Variants in FAM241A observed in about 807,000 individuals in gnomAD.
The protein encoded by FAM241A is family with sequence similarity 241 member A, also known as uncharacterized protein FAM241A.
A neutral mutation model predicts 12.2 loss-of-function variants in FAM241A; 7 were observed. The ratio of observed to expected loss-of-function variants is 0.58; its 90% CI spans 0.33 to 1.08. The LOEUF (loss-of-function observed/expected upper bound fraction) is 1.08, where lower values mean the gene tolerates loss of function less well. FAM241A is among the 50% of genes least tolerant of loss of function. The pLI is 0.04. For synonymous variants in FAM241A, 74 were observed against 68.2 expected (o/e 1.08, Z -0.42); for missense variants, 161 against 169.7 (o/e 0.95, Z 0.29).
At position 112,170,460 on chromosome 4, in the gene FAM241A, T is replaced by C. The variant is rs188456659; in HGVS notation, c.154-16233T>C. On this transcript the variant is annotated intron_variant, in intron 1 of 1. Transcript: ENST00000309733. ...ATAATATACTGTAATAAAAGTTGTA[T>C]GAATGTGGTCTCTCTTTCTCTCAAA... Among the ~76,000 whole-genome samples, 49 of 152,330 alleles carry C rather than the reference T, an allele frequency of 3.2e-4. No individual in the cohort carries two copies. In the East Asian group the frequency reaches 9.3e-3, roughly 29 times the overall value.
chr4:112,161,396 A>G (rs1353674639), intron 1 of FAM241A, among the ~76,000 whole-genome samples: 2 of 152,214 alleles, frequency 1.3e-5, no homozygotes, highest in Non-Finnish European at 2.9e-5. Context: ...AAGATCAACA[A>G]AATTGATAGA....
intron 1 of FAM241A, among the ~76,000 whole-genome samples, chr4:112,173,191 G>A (rs531301535): frequency 6.6e-5 from 10 of 152,198 alleles, no homozygotes; most frequent in African/African-American, 2.2e-4. Context: ...GCCCAGCCCT[G>A]CCAGAGATTT....
rs996094443 is a variant in FAM241A at position 112,189,657 on chromosome 4, G to T, written c.*2719G>T. 6.6e-6 allele frequency: 1 copy of T among 152,154 alleles called. No individual in the cohort carries two copies. Among genetic ancestry groups the T allele is most frequent in the Non-Finnish European group, 1.5e-5 (1 of 68,036 alleles). 9.4% of individuals were successfully genotyped at this position (152,154 alleles called of 1,614,324 possible). ...CATACCTTAAGCTGTCATGGGCAAG[G>T]TATTTTCCCATTCCTGGCTACAGGC... On this transcript the variant is annotated 3_prime_UTR_variant, in exon 2 of 2. Coordinates refer to ENST00000309733, the MANE Select transcript of FAM241A (RefSeq NM_152400.3).
intron 1 of FAM241A, among the ~76,000 whole-genome samples, chr4:112,159,187 C>G (rs1423192527): frequency 6.6e-6 from 1 of 152,042 alleles, no homozygotes. Context: ...TTGGCTGTGC[C>G]CCTCGGTTTG....
At chr4:112,175,541 G>A (rs753058007) in intron 1 of FAM241A, among the ~76,000 whole-genome samples, 6 of 152,130 alleles carry the variant, frequency 3.9e-5, no homozygotes, top group Admixed American at 1.3e-4. Context: ...GCTGAGGTGG[G>A]TGGATAACCT....
chr4:112,149,493 G>A (rs1212932663), intron 1 of FAM241A, among the ~76,000 whole-genome samples: 2 of 152,136 alleles, frequency 1.3e-5, no homozygotes, highest in African/African-American at 4.8e-5. Context: ...CGTGCTGTCT[G>A]AAAATATTTG....
chr4:112,163,405 A>C (rs1723519506), intron 1 of FAM241A, among the ~76,000 whole-genome samples: 1 of 152,196 alleles, frequency 6.6e-6, no homozygotes, highest in Non-Finnish European at 1.5e-5. Flanking sequence ...TTTACAATCT[A>C]CCCATCTGAC....
chr4:112,182,936 G>A (rs1260790415), intron 1 of FAM241A, among the ~76,000 whole-genome samples: 1 of 150,954 alleles, frequency 6.6e-6, no homozygotes, highest in South Asian at 2.1e-4. Flanking sequence ...GAAGAATATT[G>A]ATCATTTTCC....
intron 1 of FAM241A, among the ~76,000 whole-genome samples, chr4:112,146,690 C>A (rs1578367600): frequency 6.6e-6 from 1 of 152,214 alleles, no homozygotes; most frequent in East Asian, 1.9e-4. Context: ...TCTGTCCTTT[C>A]TGTCACGTTT....
chr4:112,149,956 A>AT (rs1258226291), intron 1 of FAM241A, among the ~76,000 whole-genome samples: 1 of 151,952 alleles, frequency 6.6e-6, no homozygotes, highest in African/African-American at 2.4e-5. Context: ...TATTAAAGGA[A>AT]TTTTTTTGGT....
intron 1 of FAM241A, among the ~76,000 whole-genome samples, chr4:112,159,967 T>A (rs1176472321): frequency 6.6e-6 from 1 of 152,196 alleles, no homozygotes; most frequent in Non-Finnish European, 1.5e-5. Context: ...GCATCCAGAT[T>A]GGAAAGGAAG....
intron 1 of FAM241A, among the ~76,000 whole-genome samples, chr4:112,177,750 G>A (rs1228962780): frequency 6.6e-6 from 1 of 152,074 alleles, no homozygotes; most frequent in Non-Finnish European, 1.5e-5. Context: ...GTACGTATTA[G>A]TGTCTGCTCT....
intron 1 of FAM241A, among the ~76,000 whole-genome samples, chr4:112,175,297 C>T (rs1277988540): frequency 1.3e-5 from 2 of 152,178 alleles, no homozygotes; most frequent in Admixed American, 6.5e-5. Context: ...AGCTTTCCCC[C>T]CTAGTAATAT....
chr4:112,178,761 A>C (rs1487687188), intron 1 of FAM241A, among the ~76,000 whole-genome samples: 1 of 152,204 alleles, frequency 6.6e-6, no homozygotes, highest in Non-Finnish European at 1.5e-5. Context: ...TCTAATATAC[A>C]GAATATGTAA....
chr4:112,179,943 A>ATATATATATATATATATTTATATG (rs1553921438), intron 1 of FAM241A, among the ~76,000 whole-genome samples: 1 of 129,514 alleles, frequency 7.7e-6, no homozygotes, highest in Non-Finnish European at 1.6e-5. Flanking sequence ...ATATATGTAT[A>ATATATATATATATATATTTATATG]TGTGTGTGTG....
intron 1 of FAM241A, among the ~76,000 whole-genome samples, chr4:112,148,685 G>A (rs1192861235): frequency 6.6e-6 from 1 of 152,196 alleles, no homozygotes; most frequent in Non-Finnish European, 1.5e-5. Flanking sequence ...AAACTGAAGG[G>A]ACAGGACACA....
chr4:112,188,877 T>C lies in FAM241A; in HGVS notation c.*1939T>C, dbSNP rs1276824702. 1 of 152,170 alleles carries C rather than the reference T, an allele frequency of 6.6e-6. No homozygotes were observed. The highest frequency in any genetic ancestry group is 1.5e-5 in the Non-Finnish European group (1 of 68,012). 9.4% of individuals were successfully genotyped at this position (152,170 alleles called of 1,614,324 possible). On this transcript the variant is annotated 3_prime_UTR_variant, in exon 2 of 2. Transcript: ENST00000309733. ...TGCACACTGGTGTTAATAGGGTATA[T>C]ATTAAATTATATAAAGAAATAAGAT...
At chr4:112,164,474 G>A (rs10029123) in intron 1 of FAM241A, among the ~76,000 whole-genome samples, 50,891 of 147,754 alleles carry the variant, frequency 0.34, 8,625 homozygotes, top group East Asian at 0.53. Context: ...GGGAGGGATA[G>A]CATTAGGAGA....
At chr4:112,173,762 A>G (rs192742909) in intron 1 of FAM241A, among the ~76,000 whole-genome samples, 1 of 152,272 alleles carries the variant, frequency 6.6e-6, no homozygotes, top group African/African-American at 2.4e-5. Flanking sequence ...CTAGCTACCT[A>G]CCATACAGCG....
Sources: allele counts gnomAD v4.1 joint callset (sites outside exome capture counted in the v4.1 genomes callset), GRCh38; gene constraint gnomAD v4.1.1; transcripts MANE v1.5; gene names NCBI Gene and HGNC (gene_info 2026-07-23, HGNC 2026-07-21).